Variants in PPP3CA observed in about 807,000 individuals in gnomAD.
PPP3CA encodes CAM-PRP catalytic subunit.
Under a neutral mutation model 66.5 loss-of-function variants are expected in PPP3CA, and 14 were observed. That is an observed-to-expected ratio of 0.21 (90% CI 0.14 to 0.33). The LOEUF is 0.33. Among genes scored for constraint, PPP3CA ranks in the 10% least tolerant of loss-of-function variants. PPP3CA has a pLI of 1.00. For synonymous variants in PPP3CA, 232 were observed against 226.2 expected (o/e 1.03, Z -0.23); for missense variants, 317 against 639.5 (o/e 0.50, Z 5.44).
intron 8 of PPP3CA, among the ~76,000 whole-genome samples, chr4:101,063,937 TA>T (rs1728579124): frequency 6.6e-6 from 1 of 151,966 alleles, no homozygotes; most frequent in African/African-American, 2.4e-5. Flanking sequence ...AGCTATACAT[TA>T]AATACCATAT....
chr4:101,043,083 G>A (rs1217654200), intron 10 of PPP3CA, among the ~76,000 whole-genome samples: 1 of 152,058 alleles, frequency 6.6e-6, no homozygotes, highest in Non-Finnish European at 1.5e-5. Context: ...AACTGGGAGA[G>A]CTCCAAAACT....
At chr4:101,076,421 T>C (rs1206923367) in intron 8 of PPP3CA, among the ~76,000 whole-genome samples, 1 of 152,014 alleles carries the variant, frequency 6.6e-6, no homozygotes, top group African/African-American at 2.4e-5. Flanking sequence ...AAACTAATTA[T>C]AACCTCATTG....
rs1019980113 is a variant in PPP3CA, at chr4:101,081,267, T to C, written c.861-641A>G. Among the ~76,000 whole-genome samples, 3 of 152,186 alleles carry C rather than the reference T, an allele frequency of 2.0e-5. No homozygotes were observed. The East Asian group carries it at 5.8e-4, about 29-fold the overall frequency. On this transcript the variant is annotated intron_variant, in intron 7 of 13. Transcript: ENST00000394854. ...TAAAAAGAATGTCCCCTTAAATCTATGAAATTTTACAAATTGAGACTGTTT... is the reference window on the plus strand; with the variant it reads ...TAAAAAGAATGTCCCCTTAAATCTACGAAATTTTACAAATTGAGACTGTTT...
rs897473404 is a variant in PPP3CA at position 101,024,092 on chromosome 4, C to A, written c.*1773G>T. ...TTTTTTAACTGGCTCCTTGAGGAAG[C>A]CAGAAGATGGCATCTGCTCTTTAAA... On this transcript the variant is annotated 3_prime_UTR_variant, in exon 14 of 14. Transcript: ENST00000394854. The A allele has an allele frequency of 1.8e-4, 27 of 152,120 alleles. No homozygotes were observed. The highest frequency in any genetic ancestry group is 1.6e-3 in the Admixed American group (25 of 15,272). 9.4% of individuals were successfully genotyped at this position (152,120 alleles called of 1,614,324 possible).
intron 1 of PPP3CA, among the ~76,000 whole-genome samples, chr4:101,292,081 AACACACAC>A (rs3974776): frequency 0.38 from 49,843 of 130,518 alleles, 10,627 homozygotes; most frequent in Non-Finnish European, 0.49. Context: ...TGAGCCCATG[AACACACAC>A]ACACACACAC....
chr4:101,155,676 C>A (rs537574710), intron 2 of PPP3CA, among the ~76,000 whole-genome samples: 1 of 99,902 alleles, frequency 1.0e-5, no homozygotes. Flanking sequence ...TTAAAAGATT[C>A]CTTTTTGTTT....
At chr4:101,056,787 CAG>C (rs1268652008) in intron 10 of PPP3CA, among the ~76,000 whole-genome samples, 1 of 145,756 alleles carries the variant, frequency 6.9e-6, no homozygotes, top group Non-Finnish European at 1.5e-5. Context: ...GCAGGAAGGA[CAG>C]GGTGCCGCAA....
intron 2 of PPP3CA, among the ~76,000 whole-genome samples, chr4:101,124,223 C>T (rs2110275844): frequency 6.6e-6 from 1 of 152,164 alleles, no homozygotes; most frequent in African/African-American, 2.4e-5. Flanking sequence ...AGCAAGATGA[C>T]ACTGCTTTCT....
At chr4:101,079,824 A>G (rs1193535963) in intron 8 of PPP3CA, among the ~76,000 whole-genome samples, 1 of 152,132 alleles carries the variant, frequency 6.6e-6, no homozygotes, top group East Asian at 1.9e-4. Flanking sequence ...TTTTCCCTGT[A>G]GTAAGTAATA....
chr4:101,283,371 G>T (rs1291778599), intron 1 of PPP3CA, among the ~76,000 whole-genome samples: 2 of 152,012 alleles, frequency 1.3e-5, no homozygotes, highest in African/African-American at 4.8e-5. Flanking sequence ...GTTGCTTTTG[G>T]CTATAATGTT....
At chr4:101,124,558 G>A (rs908125332) in intron 2 of PPP3CA, among the ~76,000 whole-genome samples, 2 of 151,474 alleles carry the variant, frequency 1.3e-5, no homozygotes, top group Non-Finnish European at 2.9e-5. Context: ...GCAGTGAGCC[G>A]GGATCGTGCC....
intron 1 of PPP3CA, among the ~76,000 whole-genome samples, chr4:101,296,446 G>A (rs1461276291): frequency 6.6e-6 from 1 of 152,060 alleles, no homozygotes; most frequent in Non-Finnish European, 1.5e-5. Context: ...ACAGATGCAT[G>A]AGAAAGCTAA....
chr4:101,232,287 T>C (rs188597185), intron 1 of PPP3CA, among the ~76,000 whole-genome samples: 5 of 151,738 alleles, frequency 3.3e-5, no homozygotes, highest in Middle Eastern at 3.4e-3. Context: ...TGAGTTATTT[T>C]TGCCAGTAGT....
At chr4:101,196,319 A>G (rs2110190966) in intron 1 of PPP3CA, among the ~76,000 whole-genome samples, 1 of 152,352 alleles carries the variant, frequency 6.6e-6, no homozygotes, top group South Asian at 2.1e-4. Flanking sequence ...GTGATTGCTT[A>G]AACAAAATTG....
At chr4:101,089,714 C>G (rs912035730) in intron 6 of PPP3CA, among the ~76,000 whole-genome samples, 2 of 152,158 alleles carry the variant, frequency 1.3e-5, no homozygotes, top group African/African-American at 4.8e-5. Context: ...CTAACACTTG[C>G]CCTGCTCCAA....
At chr4:101,231,312 G>A (rs1051307329) in intron 1 of PPP3CA, among the ~76,000 whole-genome samples, 2 of 151,668 alleles carry the variant, frequency 1.3e-5, no homozygotes, top group African/African-American at 4.8e-5. Context: ...TTATCAGGCC[G>A]CTAACTAGAG....
At chr4:101,104,579 C>T (rs751032229) in intron 3 of PPP3CA, among the ~76,000 whole-genome samples, 10 of 152,100 alleles carry the variant, frequency 6.6e-5, no homozygotes, top group Non-Finnish European at 1.3e-4. Context: ...ACCCCCGAGC[C>T]TCAGTTACTG....
chr4:101,221,226 C>A (rs981974125), intron 1 of PPP3CA, among the ~76,000 whole-genome samples: 4 of 151,506 alleles, frequency 2.6e-5, no homozygotes, highest in Non-Finnish European at 5.9e-5. Flanking sequence ...GAAAGAGTAA[C>A]AGACGGCCAT....
chr4:101,037,266 C>A (rs1451493058), intron 11 of PPP3CA, among the ~76,000 whole-genome samples: 8 of 152,190 alleles, frequency 5.3e-5, no homozygotes, highest in Admixed American at 2.6e-4. Context: ...TGCCTTGCTG[C>A]TTCCTCATGA....
Sources: allele counts gnomAD v4.1 joint callset (sites outside exome capture counted in the v4.1 genomes callset), GRCh38; gene constraint gnomAD v4.1.1; transcripts MANE v1.5; gene names NCBI Gene and HGNC (gene_info 2026-07-23, HGNC 2026-07-21).